Variants in LRP1B observed in about 807,000 individuals in gnomAD.
LRP1B encodes the protein LDL receptor related protein 1B, also known as low-density lipoprotein receptor-related protein 1B.
A neutral mutation model predicts 556.6 loss-of-function variants in LRP1B; 217 were observed. The observed-to-expected ratio is 0.39, with a 90% CI of 0.35 to 0.44. The LOEUF (loss-of-function observed/expected upper bound fraction) is 0.44, where lower values mean the gene tolerates loss of function less well. LRP1B is among the 20% of genes least tolerant of loss of function. The pLI, the probability that LRP1B is intolerant of heterozygous loss-of-function variation, is 1.00. For synonymous variants in LRP1B, 2,047 were observed against 1,865.8 expected, an observed-to-expected ratio of 1.10 and a Z score of -2.50; for missense variants, 5,053 against 5,620.8, an observed-to-expected ratio of 0.90 and a Z score of 3.23.
intron 22 of LRP1B, 59 bp downstream of exon 22, chr2:140,907,818 A>G (rs2105231286): frequency 7.0e-7 from 1 of 1,419,168 alleles, no homozygotes; most frequent in South Asian, 1.2e-5. Context: ...AAGTAACAGC[A>G]ACTGAACTAA....
intron 2 of LRP1B, among the ~76,000 whole-genome samples, chr2:141,729,355 A>G (rs942714384): frequency 2.0e-5 from 3 of 152,098 alleles, no homozygotes; most frequent in African/African-American, 7.2e-5. Flanking sequence ...ATGTTTTAGT[A>G]ATTATCAACA....
At chr2:141,729,202 C>T (rs2118272) in intron 2 of LRP1B, among the ~76,000 whole-genome samples, 32,540 of 152,096 alleles carry the variant, frequency 0.21, 3,972 homozygotes, top group East Asian at 0.52. Flanking sequence ...CAAGTGCTTA[C>T]CTACAGCTTC....
Position 140,989,640 on chromosome 2 carries a change from C to A in LRP1B, c.2662G>T (p.Asp888Tyr). 2.5e-6 allele frequency: 4 copies of A among 1,612,948 alleles called. No homozygotes were observed. The highest frequency in any genetic ancestry group is 8.5e-7 in the Non-Finnish European group (1 of 1,179,292). ...SVNCFNHSCP[D>Y]DQFKCQNNRC... is the part of the protein sequence containing the mutation. ...TTATTCTGGCATTTAAACTGATCAT[C>A]AGGACAGCTATGATTGACTGGGAGG... The change falls in exon 17 of 91, where the codon GAT becomes TAT. Residue 888 changes from aspartate to tyrosine, a missense_variant. This residue lies in a region of LRP1B where 3,619 missense variants were observed against 3,931.9 expected (regional missense o/e 0.92). Transcript: ENST00000389484.
intron 31 of LRP1B, among the ~76,000 whole-genome samples, chr2:140,831,593 C>G (rs1299828779): frequency 1.3e-5 from 2 of 152,104 alleles, no homozygotes; most frequent in Non-Finnish European, 2.9e-5. Flanking sequence ...TTGGGCAACA[C>G]TTCAGGACAT....
chr2:141,323,009 G>A (rs182277788), intron 3 of LRP1B, among the ~76,000 whole-genome samples: 5 of 152,168 alleles, frequency 3.3e-5, no homozygotes, highest in East Asian at 3.9e-4. Flanking sequence ...TCATCAGCAA[G>A]TCATAAAGAA....
At chr2:141,320,735 T>C (rs1471343390) in intron 3 of LRP1B, among the ~76,000 whole-genome samples, 2 of 152,130 alleles carry the variant, frequency 1.3e-5, no homozygotes, top group African/African-American at 4.8e-5. Context: ...GCTTCCTCAT[T>C]CTCTTGACAT....
intron 1 of LRP1B, among the ~76,000 whole-genome samples, chr2:141,961,208 T>C (rs551113425): frequency 2.6e-5 from 4 of 151,722 alleles, no homozygotes; most frequent in Admixed American, 6.6e-5. Context: ...TTCAGAGTCA[T>C]TGCAACAAAG....
intron 2 of LRP1B, among the ~76,000 whole-genome samples, chr2:141,632,979 C>G (rs971662333): frequency 1.3e-5 from 2 of 151,520 alleles, no homozygotes; most frequent in African/African-American, 4.8e-5. Flanking sequence ...CAAATATGTT[C>G]TGGATTTAAT....
At chr2:140,631,105 G>C (rs368199492) in intron 41 of LRP1B, among the ~76,000 whole-genome samples, 2 of 152,122 alleles carry the variant, frequency 1.3e-5, no homozygotes, top group Non-Finnish European at 2.9e-5. Context: ...AAAAAGACAA[G>C]GACATTAGAG....
At position 141,027,336 on chromosome 2, in the gene LRP1B, T is replaced by C. The variant is rs184746003; in HGVS notation, c.1790-7234A>G. On this transcript the variant is annotated intron_variant, in intron 11 of 90. Coordinates refer to ENST00000389484, the MANE Select transcript of LRP1B (RefSeq NM_018557.3). ...AATGAAAATATGAATAATAATCAGT[T>C]CTCTCCATATTAGGATTAAAGGAGA... is the stretch of plus-strand genomic sequence containing the variant. Among the ~76,000 whole-genome samples the C allele has an allele frequency of 5.7e-3, 864 of 152,194 alleles. 3 individuals are homozygous for C. The highest frequency in any genetic ancestry group is 0.01 in the Middle Eastern group (3 of 294).
chr2:141,170,012 C>G (rs1198049880), intron 7 of LRP1B, among the ~76,000 whole-genome samples: 1 of 152,000 alleles, frequency 6.6e-6, no homozygotes, highest in African/African-American at 2.4e-5. Context: ...TAAATCTTCT[C>G]TTCCATAATT....
intron 84 of LRP1B, among the ~76,000 whole-genome samples, chr2:140,279,168 A>T (rs2104961916): frequency 6.6e-6 from 1 of 152,096 alleles, no homozygotes; most frequent in African/African-American, 2.4e-5. Context: ...TCCTGAACAC[A>T]GGAGAAAGCA....
At chr2:141,542,301 C>A (rs1685289550) in intron 2 of LRP1B, among the ~76,000 whole-genome samples, 1 of 151,802 alleles carries the variant, frequency 6.6e-6, no homozygotes, top group African/African-American at 2.4e-5. Flanking sequence ...AGAATTAGGG[C>A]AGATTTTTGG....
intron 3 of LRP1B, among the ~76,000 whole-genome samples, chr2:141,386,306 T>A (rs1017876663): frequency 1.4e-4 from 22 of 152,118 alleles, no homozygotes; most frequent in African/African-American, 5.3e-4. Flanking sequence ...TAAGGAATAT[T>A]CAATCTGTAA....
intron 7 of LRP1B, among the ~76,000 whole-genome samples, chr2:141,107,248 AAAT>A (rs1208552933): frequency 6.6e-6 from 1 of 152,206 alleles, no homozygotes; most frequent in African/African-American, 2.4e-5. Flanking sequence ...ATGGAGATAA[AAAT>A]AAACTGCAGT....
chr2:141,150,229 A>G (rs1401629464), intron 7 of LRP1B, among the ~76,000 whole-genome samples: 1 of 152,228 alleles, frequency 6.6e-6, no homozygotes, highest in Non-Finnish European at 1.5e-5. Context: ...GTCAAATTAC[A>G]GACACACTTG....
chr2:140,683,780 C>G, intron 41 of LRP1B: 1 of 966,972 alleles, frequency 1.0e-6, no homozygotes, highest in East Asian at 2.5e-5. Context: ...CAGGAGTGGT[C>G]AGCTGTAGCA....
At chr2:141,422,228 A>G (rs543882426) in intron 3 of LRP1B, among the ~76,000 whole-genome samples, 2 of 152,324 alleles carry the variant, frequency 1.3e-5, no homozygotes, top group South Asian at 4.1e-4. Context: ...TTTGATTATT[A>G]TAATTACCTT....
intron 1 of LRP1B, among the ~76,000 whole-genome samples, chr2:141,970,330 A>G (rs1701692931): frequency 6.6e-6 from 1 of 151,618 alleles, no homozygotes; most frequent in Admixed American, 6.6e-5. Flanking sequence ...ATTATTTTAG[A>G]TCAAGAATGT....
Sources: allele counts gnomAD v4.1 joint callset (sites outside exome capture counted in the v4.1 genomes callset), GRCh38; gene constraint gnomAD v4.1.1; regional missense constraint gnomAD v4.1.1; transcripts MANE v1.5; gene names NCBI Gene and HGNC (gene_info 2026-07-23, HGNC 2026-07-21).